The following TNFRSF4 variants were observed in gnomAD, a reference collection of about 807,000 sequenced individuals.
TNFRSF4 encodes tumor necrosis factor receptor superfamily member 4.
In TNFRSF4, 21 loss-of-function variants were observed where a neutral mutation model predicts 29.5. That is an observed-to-expected ratio of 0.71 (90% confidence interval 0.51 to 1.03). The LOEUF is 1.03. TNFRSF4 is among the 50% of genes least tolerant of loss of function. The pLI is 0.00. For missense variants in TNFRSF4, 408 were observed against 387.8 expected (o/e 1.05, Z -0.44); for synonymous variants, 197 against 172.7 (o/e 1.14, Z -1.10).
At chr1:1,213,821 C>T in intron 1 of TNFRSF4, 36 bp from the exon 2 acceptor site, 2 of 1,563,586 alleles carry the variant, frequency 1.3e-6, no homozygotes, top group Non-Finnish European at 8.6e-7. Context: ...GCGGTCAGGC[C>T]CCAGGCTTGC....
chr1:1,212,596 A>AACC, intron 4 of TNFRSF4, 42 bp downstream of exon 4: 11 of 845,434 alleles, frequency 1.3e-5, no homozygotes, highest in Middle Eastern at 4.4e-4. Flanking sequence ...AACCACCCCA[A>AACC]CCCCCCCCCA....
At position 1,214,091 on chromosome 1, in the gene TNFRSF4, A is replaced by G. The variant is rs757810037; in HGVS notation, c.37T>C (p.Cys13Arg). ...AGGCCCAGGAGGAGCAGAGCCGCAC[A>G]CGGCCCGCGGCCCAGCCGCCGAGCC... ...VGARRLGRGP[C>R]AALLLLGLGL... The change falls in exon 1 of 7, where the codon TGT (cysteine) becomes CGT (arginine). Residue 13 changes from cysteine to arginine, a missense_variant. By Grantham distance (180) the Cys-to-Arg change is radical. Coordinates refer to ENST00000379236, the MANE Select transcript of TNFRSF4 (RefSeq NM_003327.4). The surrounding 1 kb of genome is among the most constrained non-coding windows in gnomAD (Gnocchi z 4.2). The G allele has an allele frequency of 3.8e-6, 6 of 1,588,002 alleles. No individual in the cohort carries two copies. The highest frequency in any genetic ancestry group is 4.4e-4 in the Middle Eastern group (2 of 4,532).
rs987909005 is a variant in TNFRSF4, at chr1:1,212,690, G to A, written c.385C>T (p.Pro129Ser). 8.9e-6 allele frequency: 14 copies of A among 1,578,438 alleles called. No homozygotes were observed. Among genetic ancestry groups the A allele is most frequent in the Middle Eastern group, 1.8e-4 (1 of 5,668 alleles). The change falls in exon 4 of 7, where the codon CCT becomes TCT. Residue 129 changes from proline (P) to serine (S), a missense_variant. Transcript: ENST00000379236. The part of the protein sequence containing the change: ...YKPGVDCAPC[P>S]PGHFSPGDNQ... The stretch of plus-strand genomic sequence containing the variant: ...TCGCCTGGGGAGAAGTGCCCTGGAG[G>A]GCAGGGGGCACAGTCTGCAACAAAG...
intron 6 of TNFRSF4, 21 bp from the exon 7 acceptor site, chr1:1,211,646 G>A (rs1278659933): frequency 6.4e-7 from 1 of 1,564,080 alleles, no homozygotes; most frequent in African/African-American, 1.4e-5. Flanking sequence ...AAAAAGGAGA[G>A]ATTGGTGGGT....
Position 1,212,061 on chromosome 1 carries a change from G to T in TNFRSF4, c.515C>A (p.Pro172Gln), listed in dbSNP as rs776776152. ...SDAICEDRDP[P>Q]ATQPQETQGP... The stretch of plus-strand genomic sequence containing the variant: ...CTGGGTCTCCTGGGGCTGCGTGGCT[G>T]GGGGGTCCCTGTCCTCACAGATTGC... The change falls in exon 5 of 7, where the codon CCA becomes CAA. Residue 172 changes from proline (P) to glutamine (Q), a missense_variant. Pro to Gln is a moderately conservative substitution (Grantham distance 76). Coordinates refer to ENST00000379236, the MANE Select transcript of TNFRSF4 (RefSeq NM_003327.4). The T allele has an allele frequency of 3.7e-6, 6 of 1,610,964 alleles. No homozygotes were observed. The highest frequency in any genetic ancestry group is 5.1e-6 in the Non-Finnish European group (6 of 1,178,816).
At position 1,214,092 on chromosome 1, in the gene TNFRSF4, C is replaced by T. The variant is rs777345366; in HGVS notation, c.36G>A (p.Pro12=). The T allele has an allele frequency of 1.5e-5, 24 of 1,586,102 alleles. No individual in the cohort carries two copies. Among genetic ancestry groups the T allele is most frequent in the South Asian group, 2.3e-5 (2 of 88,316 alleles). Residue 12 remains proline (P), a synonymous_variant, in exon 1 of 7, where the codon CCG becomes CCA. Transcript: ENST00000379236. This position sits in a 1 kb window ranked among gnomAD's most constrained non-coding sequence, Gnocchi z 4.2. ...GGCCCAGGAGGAGCAGAGCCGCACA[C>T]GGCCCGCGGCCCAGCCGCCGAGCCC... ...CVGARRLGRG[P]CAALLLLGLG...
intron 2 of TNFRSF4, 106 bp downstream of exon 2, chr1:1,213,557 G>A (rs1649300099): frequency 2.2e-5 from 32 of 1,475,698 alleles, no homozygotes; most frequent in South Asian, 1.6e-4. Context: ...GTGGTTTGAG[G>A]TTCGTTTCTG....
chr1:1,213,633 G>C, intron 2 of TNFRSF4, 30 bp downstream of exon 2: 1 of 1,563,236 alleles, frequency 6.4e-7, no homozygotes, highest in Non-Finnish European at 8.7e-7. Flanking sequence ...CCTGTGCTGG[G>C]TGGGGCTGTG....
Position 1,213,062 on chromosome 1 carries a change from C to G in TNFRSF4, c.300G>C (p.Thr100=), listed in dbSNP as rs184488968. 8.7e-6 allele frequency: 14 copies of G among 1,611,112 alleles called. No individual in the cohort carries two copies. The African/African-American group carries it at 1.1e-4, about 12-fold the overall frequency. The change falls in exon 3 of 7, where the codon ACG becomes ACC. Residue 100 remains threonine (T), a synonymous_variant. Transcript: ENST00000379236. ...AGCGGCAGACTGTGTCCTGTGTGGCCGTGCACAGCTGCTTCCGCTCACTCC... is the reference window on the plus strand; with the variant it reads ...AGCGGCAGACTGTGTCCTGTGTGGCGGTGCACAGCTGCTTCCGCTCACTCC... ...RSGSERKQLC[T]ATQDTVCRCR...
intron 6 of TNFRSF4, 28 bp from the exon 7 acceptor site, chr1:1,211,653 G>T (rs769302103): frequency 1.7e-5 from 26 of 1,567,390 alleles, no homozygotes; most frequent in Non-Finnish European, 2.2e-5. Flanking sequence ...AGAGATTGGT[G>T]GGTGGGCCTC....
intron 2 of TNFRSF4, 186 bp downstream of exon 2, chr1:1,213,477 A>C: frequency 6.8e-7 from 1 of 1,478,578 alleles, no homozygotes; most frequent in Non-Finnish European, 9.0e-7. Flanking sequence ...GGGCCCCCGG[A>C]GGGAGAGGGG....
rs1649150491 is a variant in TNFRSF4 at position 1,211,985 on chromosome 1, T to C, written c.591A>G (p.Arg197=). 6.2e-7 allele frequency: 1 copy of C among 1,603,962 alleles called. No individual in the cohort carries two copies. The highest frequency in any genetic ancestry group is 8.5e-7 in the Non-Finnish European group (1 of 1,176,224). ...GCCGGGTGGAGGGTCCCTGTGAGGT[T>C]CTGGGCCAGGCTTCAGTGGGCTGGA... The part of the protein sequence containing the change: ...ITVQPTEAWP[R]TSQGPSTRPV... Residue 197 remains arginine (R), a synonymous_variant, in exon 5 of 7, where the codon AGA becomes AGG. Transcript: ENST00000379236.
chr1:1,211,637 A>G lies in TNFRSF4; in HGVS notation c.764-12T>C, dbSNP rs763817909. ...GAAACTGCCTCCCCCTGGGGAGGAA[A>G]AAAGGAGAGATTGGTGGGTGGGCCT... On this transcript the variant is annotated splice_polypyrimidine_tract_variant and intron_variant, in intron 6 of 6. Coordinates refer to ENST00000379236, the MANE Select transcript of TNFRSF4 (RefSeq NM_003327.4). The G allele has an allele frequency of 3.2e-6, 5 of 1,559,420 alleles. No homozygotes were observed. The South Asian group carries it at 3.5e-5, about 11-fold the overall frequency.
chr1:1,213,723 C>A lies in TNFRSF4; in HGVS notation c.208G>T (p.Gly70Cys). 1 of 1,600,770 alleles carries A rather than the reference C, an allele frequency of 6.2e-7. No individual in the cohort carries two copies. Among genetic ancestry groups the A allele is most frequent in the African/African-American group, 1.3e-5 (1 of 74,880 alleles). The change falls in exon 2 of 7, where the codon GGC (glycine) becomes TGC (cysteine). Residue 70 changes from glycine to cysteine, a missense_variant. Transcript: ENST00000379236. ...QNTVCRPCGP[G>C]FYNDVVSSKP... ...GAGCTGACCACGTCGTTGTAGAAGC[C>A]CGGCCCGCACGGACGGCACACCGTG...
At position 1,213,108 on chromosome 1, in the gene TNFRSF4, G is replaced by A. The variant is rs1649257279; in HGVS notation, c.269-15C>T. 6.2e-7 allele frequency: 1 copy of A among 1,602,780 alleles called. No individual in the cohort carries two copies. Among genetic ancestry groups the A allele is most frequent in the African/African-American group, 1.3e-5 (1 of 74,812 alleles). On this transcript the variant is annotated splice_polypyrimidine_tract_variant and intron_variant, in intron 2 of 6. Coordinates refer to ENST00000379236, the MANE Select transcript of TNFRSF4 (RefSeq NM_003327.4). ...ACTCCCACTTCCTGAGCAGGGGCCG[G>A]ATGGGGGGGTGGTCAGGTGGGGGCT...
At position 1,213,055 on chromosome 1, in the gene TNFRSF4, G is replaced by A. The variant is rs952685421; in HGVS notation, c.307C>T (p.Gln103Ter). ...GCCCGGCAGCGGCAGACTGTGTCCT[G>A]TGTGGCCGTGCACAGCTGCTTCCGC... ...SERKQLCTATQDTVCRCRAGT... is the reference protein window; with the variant it reads ...SERKQLCTAT The change falls in exon 3 of 7, where the codon CAG becomes TAG. Residue 103 changes from glutamine (Q) to a stop codon, truncating the protein, a stop_gained. Coordinates refer to ENST00000379236, the MANE Select transcript of TNFRSF4 (RefSeq NM_003327.4). LOFTEE classifies it high-confidence loss of function. 1 of 1,611,262 alleles carries A rather than the reference G, an allele frequency of 6.2e-7. No individual in the cohort carries two copies. The highest frequency in any genetic ancestry group is 1.3e-5 in the African/African-American group (1 of 74,936).
intron 3 of TNFRSF4, 32 bp from the exon 4 acceptor site, chr1:1,212,736 C>A: frequency 6.6e-7 from 1 of 1,512,418 alleles, no homozygotes; most frequent in South Asian, 1.3e-5. Flanking sequence ...CAGGGGCTGC[C>A]CACAGGCCCC....
At chr1:1,213,149 A>G (rs1649264147) in intron 2 of TNFRSF4, 56 bp from the exon 3 acceptor site, 1 of 1,559,656 alleles carries the variant, frequency 6.4e-7, no homozygotes, top group Middle Eastern at 1.7e-4. Flanking sequence ...CAGGGTCCTC[A>G]GGAAGCGTGG....
Position 1,212,138 on chromosome 1 carries a change from G to A in TNFRSF4, c.438C>T (p.Asn146=), listed in dbSNP as rs779713650. The change falls in exon 5 of 7, where the codon AAC becomes AAT. Residue 146 remains asparagine (N), a splice_region_variant and synonymous_variant. Transcript: ENST00000379236. ...GDNQACKPWT[N]CTLAGKHTLQ... The stretch of plus-strand genomic sequence containing the variant: ...GGGTGTGCTTCCCAGCCAAGGTGCA[G>A]CTGTTGGGGAACAGGAGGTGTTGCT... 1.2e-6 allele frequency: 2 copies of A among 1,612,500 alleles called. No individual in the cohort carries two copies. Among genetic ancestry groups the A allele is most frequent in the South Asian group, 2.2e-5 (2 of 90,968 alleles).
Sources: gnomAD v4.1 joint callset for allele counts on GRCh38, gnomAD v4.1.1 for gene constraint, Gnocchi (gnomAD v3.1) non-coding constraint, MANE v1.5 for transcripts, NCBI Gene and HGNC (gene_info 2026-07-23, HGNC 2026-07-21) for gene names.